Variants in LAMB4 observed in about 807,000 individuals in gnomAD.
LAMB4 encodes laminin subunit beta-4.
A neutral mutation model predicts 199.2 loss-of-function variants in LAMB4; 196 were observed. That is an observed-to-expected ratio of 0.98 (90% CI 0.88 to 1.11). LAMB4 has a LOEUF of 1.11. Ranked by LOEUF, LAMB4 falls within the 50% of genes least tolerant of loss-of-function variation. LAMB4 has a pLI of 0.00. For missense variants in LAMB4, 2,080 were observed against 2,171.2 expected, an observed-to-expected ratio of 0.96 and a Z score of 0.83; for synonymous variants, 744 against 770.6, an observed-to-expected ratio of 0.97 and a Z score of 0.57.
At chr7:108,040,599 T>C (rs1199555820) in intron 29 of LAMB4, among the ~76,000 whole-genome samples, 6 of 151,896 alleles carry the variant, frequency 4.0e-5, no homozygotes, top group Non-Finnish European at 8.8e-5. Context: ...AGTCCAGAAA[T>C]AAGGCCACAC....
rs2034920781 is a variant in LAMB4 at position 108,028,584 on chromosome 7, C to A, written c.5146+459G>T. Among the ~76,000 whole-genome samples, 3 of 147,244 alleles carry A rather than the reference C, an allele frequency of 2.0e-5. No individual in the cohort carries two copies. The Admixed American group carries it at 2.1e-4, about 10-fold the overall frequency. On this transcript the variant is annotated intron_variant, in intron 33 of 33. Coordinates refer to ENST00000388781, the MANE Select transcript of LAMB4 (RefSeq NM_007356.3). ...CTCTGCCTCCCAGGTTCAGGCAATT[C>A]TCCTGCCTCAGCCTCCCAAGTAGCT...
chr7:108,083,143 G>A (rs1032472016), intron 14 of LAMB4, among the ~76,000 whole-genome samples: 4 of 152,098 alleles, frequency 2.6e-5, no homozygotes, highest in African/African-American at 7.2e-5. Context: ...TGGAATAGTC[G>A]GGCTCCATTT....
chr7:108,032,811 G>T (rs1486750772), intron 31 of LAMB4, among the ~76,000 whole-genome samples: 1 of 151,726 alleles, frequency 6.6e-6, no homozygotes. Flanking sequence ...CTCCTGTGTG[G>T]CCTTTGCTTT....
rs573007239 is a variant in LAMB4, at chr7:108,024,460, C to A, written c.5147-282G>T. On this transcript the variant is annotated intron_variant, in intron 33 of 33. Coordinates refer to ENST00000388781, the MANE Select transcript of LAMB4 (RefSeq NM_007356.3). ...TCATTAGAAATGAAAAGACAGATAA[C>A]ATCCTTGATGGGATTTGCTGAAGTG... 4.6e-5 allele frequency among the ~76,000 whole-genome samples: 7 copies of A among 152,322 alleles called. No individual in the cohort carries two copies. The South Asian group carries it at 8.3e-4, about 18-fold the overall frequency.
chr7:108,077,790 G>A (rs1199383876), intron 16 of LAMB4, among the ~76,000 whole-genome samples: 1 of 152,190 alleles, frequency 6.6e-6, no homozygotes, highest in African/African-American at 2.4e-5. Context: ...CATCTATTGA[G>A]AGTAATCAAG....
At chr7:108,065,032 A>G (rs2036287644) in intron 21 of LAMB4, among the ~76,000 whole-genome samples, 1 of 151,740 alleles carries the variant, frequency 6.6e-6, no homozygotes, top group Non-Finnish European at 1.5e-5. Context: ...CAGCCTCCCC[A>G]GTACCTAGGG....
At chr7:108,068,297 A>G (rs1198243677) in intron 18 of LAMB4, 138 bp from the exon 19 acceptor site, 4 of 846,708 alleles carry the variant, frequency 4.7e-6, no homozygotes, top group Non-Finnish European at 7.2e-6. Flanking sequence ...AAATAGGAAT[A>G]ATATAGAATC....
chr7:108,047,753 C>T (rs1339649309), intron 28 of LAMB4, among the ~76,000 whole-genome samples, 155 bp downstream of exon 28: 1 of 152,258 alleles, frequency 6.6e-6, no homozygotes, highest in Non-Finnish European at 1.5e-5. Context: ...ACATTCATAT[C>T]ATCTGTAATT....
intron 29 of LAMB4, among the ~76,000 whole-genome samples, chr7:108,042,117 T>C (rs1268043632): frequency 6.6e-6 from 1 of 152,120 alleles, no homozygotes; most frequent in African/African-American, 2.4e-5. Flanking sequence ...ATGATAATTT[T>C]ATTGGGGCTT....
chr7:108,080,828 A>T (rs926063161), intron 14 of LAMB4, among the ~76,000 whole-genome samples: 2 of 152,102 alleles, frequency 1.3e-5, no homozygotes, highest in African/African-American at 4.8e-5. Context: ...TAAAAAAAAA[A>T]AAACCCCTTG....
chr7:108,088,215 T>G (rs1584723849), intron 14 of LAMB4, among the ~76,000 whole-genome samples: 1 of 151,254 alleles, frequency 6.6e-6, no homozygotes, highest in African/African-American at 2.4e-5. Context: ...CAGGCTGGAG[T>G]GCAATAGCAC....
At chr7:108,044,207 C>T (rs2035537990) in intron 28 of LAMB4, 1 of 208,408 alleles carries the variant, frequency 4.8e-6, no homozygotes, top group Admixed American at 6.1e-5. Flanking sequence ...TTCTTTAATA[C>T]CAACAACTTT....
At chr7:108,030,779 C>G in intron 32 of LAMB4, 27 bp downstream of exon 32, 1 of 1,603,442 alleles carries the variant, frequency 6.2e-7, no homozygotes, top group Non-Finnish European at 8.5e-7. Context: ...CTTTTCTGCT[C>G]TTGGTGGCAG....
intron 17 of LAMB4, among the ~76,000 whole-genome samples, chr7:108,074,784 T>C (rs2036641817): frequency 6.6e-6 from 1 of 152,212 alleles, no homozygotes; most frequent in South Asian, 2.1e-4. Flanking sequence ...AATTATTTTT[T>C]AATAAGGAAC....
chr7:108,018,448 A>G, the LAMB4 span, among the ~76,000 whole-genome samples: 1 of 152,312 alleles, frequency 6.6e-6, no homozygotes, highest in Admixed American at 6.5e-5. Flanking sequence ...TCCTGTTAAG[A>G]GGCCCTCCTG....
rs759755784 is a variant in LAMB4, at chr7:108,055,876, T to A, written c.3511A>T (p.Thr1171Ser). ...CARGHSQEFP[T>S]CLQCHLCFDQ... ...AAGCACAAGTGACATTGAAGACAAG[T>A]AGGGAATTCCTGGCTGTGTCCCCGG... Residue 1171 changes from threonine to serine, a missense_variant, in exon 25 of 34, where the codon ACT (threonine) becomes TCT (serine). Coordinates refer to ENST00000388781, the MANE Select transcript of LAMB4 (RefSeq NM_007356.3). 12 of 1,614,040 alleles carry A rather than the reference T, an allele frequency of 7.4e-6. No individual in the cohort carries two copies. Among genetic ancestry groups the A allele is most frequent in the Non-Finnish European group, 1.0e-5 (12 of 1,180,040 alleles).
At position 108,065,842 on chromosome 7, in the gene LAMB4, C is replaced by T. The variant is rs2036318218; in HGVS notation, c.2756G>A (p.Ser919Asn). 5 of 1,614,082 alleles carry T rather than the reference C, an allele frequency of 3.1e-6. No individual in the cohort carries two copies. Among genetic ancestry groups the T allele is most frequent in the Non-Finnish European group, 4.2e-6 (5 of 1,179,946 alleles). The change falls in exon 21 of 34, where the codon AGC (serine) becomes AAC (asparagine). Residue 919 changes from serine to asparagine, a missense_variant. Transcript: ENST00000388781. ...ACAGGAATGGGCAAAATACTGATTGCTTGAGGGATCATCTGGACACAGGCA... is the reference window on the plus strand; with the variant it reads ...ACAGGAATGGGCAAAATACTGATTGTTTGAGGGATCATCTGGACACAGGCA... ...RPCLCPDDPS[S>N]NQYFAHSCYQ...
intron 14 of LAMB4, among the ~76,000 whole-genome samples, chr7:108,087,422 A>ATGAGTATG (rs1207186318): frequency 4.1e-4 from 63 of 152,382 alleles, no homozygotes; most frequent in African/African-American, 1.4e-3. Flanking sequence ...ATTTGTGCAT[A>ATGAGTATG]TGCACACAGG....
intron 31 of LAMB4, among the ~76,000 whole-genome samples, chr7:108,032,184 G>A (rs1034758303): frequency 6.6e-6 from 1 of 152,132 alleles, no homozygotes; most frequent in East Asian, 1.9e-4. Context: ...GAGGTCAGGA[G>A]TTCAAGACCA....
Sources: allele counts gnomAD v4.1 joint callset (sites outside exome capture counted in the v4.1 genomes callset), GRCh38; gene constraint gnomAD v4.1.1; transcripts MANE v1.5; gene names NCBI Gene and HGNC (gene_info 2026-07-23, HGNC 2026-07-21).